HOXD1: variants seen among roughly 807,000 people sequenced by gnomAD.
HOXD1 encodes the protein homeobox D1, also known as homeobox protein Hox-D1.
In HOXD1, 17 loss-of-function variants were observed where a neutral mutation model predicts 19.9. The observed-to-expected ratio is 0.85, with a 90% CI of 0.58 to 1.28. The LOEUF is 1.28. Ranked by LOEUF, HOXD1 falls within the 50% of genes most tolerant of loss-of-function variation. The probability of loss-of-function intolerance (pLI) is 0.00; values close to 1 mark genes in which losing one functional copy is unlikely to be tolerated. For synonymous variants in HOXD1, 239 were observed against 216.0 expected, an observed-to-expected ratio of 1.11 and a Z score of -0.93; for missense variants, 500 against 460.1, an observed-to-expected ratio of 1.09 and a Z score of -0.79.
rs373389370 is a variant in HOXD1 at position 176,189,798 on chromosome 2, T to G, written c.653-10T>G. Reference sequence around the variant, plus strand: ...TCAGGCCTGGCTGACGCCCTGTCTTTACGTTGCAGGCAAACTCGCCGAGTA... The same window carrying G: ...TCAGGCCTGGCTGACGCCCTGTCTTGACGTTGCAGGCAAACTCGCCGAGTA... On this transcript the variant is annotated splice_polypyrimidine_tract_variant and intron_variant, in intron 1 of 1. Coordinates refer to ENST00000331462, the MANE Select transcript of HOXD1 (RefSeq NM_024501.3). The G allele has an allele frequency of 1.3e-5, 21 of 1,612,890 alleles. No homozygotes were observed. The Middle Eastern group carries it at 4.9e-4, about 38-fold the overall frequency.
intron 1 of HOXD1, 145 bp downstream of exon 1, chr2:176,189,598 GGAGTCTGCCTC>G: frequency 6.4e-7 from 1 of 1,567,572 alleles, no homozygotes; most frequent in Non-Finnish European, 8.6e-7. Flanking sequence ...CGAATTCCAT[GGAGTCTGCCTC>G]GAGTACAGAT....
rs1170598501 is a variant in HOXD1, at chr2:176,189,212, G to T, written c.411G>T (p.Ser137=). 6.3e-7 allele frequency: 1 copy of T among 1,584,932 alleles called. No homozygotes were observed. Among genetic ancestry groups the T allele is most frequent in the Non-Finnish European group, 8.6e-7 (1 of 1,167,740 alleles). ...DGGSHVHYAT[S]AVFSGGGSFL... ...GGTCTCACGTCCACTACGCCACCTC[G>T]GCCGTCTTCTCGGGCGGCGGCTCTT... The change falls in exon 1 of 2, where the codon TCG becomes TCT. Residue 137 remains serine, a synonymous_variant. Transcript: ENST00000331462.
In HOXD1 at chr2:176,189,171, G is replaced by T; in HGVS notation, c.370G>T (p.Ala124Ser). Reference protein sequence around the residue: ...AYDFPGVLGRAADDGGSHVHY... With the variant: ...AYDFPGVLGRSADDGGSHVHY... ...CGACTTCCCGGGCGTGCTGGGGCGG[G>T]CGGCCGACGACGGCGGGTCTCACGT... The change falls in exon 1 of 2, where the codon GCG (alanine) becomes TCG (serine). Residue 124 changes from alanine (A) to serine (S), a missense_variant. Ala to Ser is a moderately conservative substitution (Grantham distance 99). Coordinates refer to ENST00000331462, the MANE Select transcript of HOXD1 (RefSeq NM_024501.3). 6.4e-7 allele frequency: 1 copy of T among 1,558,630 alleles called. No homozygotes were observed. Among genetic ancestry groups the T allele is most frequent in the South Asian group, 1.2e-5 (1 of 81,952 alleles).
rs748753500 is a variant in HOXD1 at position 176,189,463 on chromosome 2, C to T, written c.652+10C>T. On this transcript the variant is annotated intron_variant, in intron 1 of 1. Coordinates refer to ENST00000331462, the MANE Select transcript of HOXD1 (RefSeq NM_024501.3). The stretch of plus-strand genomic sequence containing the variant: ...AATGCCTCTAAGAAAGGTAAGTCCG[C>T]GGGCCTTGGATGGGGCCACCTGGGG... 6.2e-7 allele frequency: 1 copy of T among 1,611,464 alleles called. No individual in the cohort carries two copies. Among genetic ancestry groups the T allele is most frequent in the Non-Finnish European group, 8.5e-7 (1 of 1,178,968 alleles).
chr2:176,190,038 AC>A lies in HOXD1; in HGVS notation c.884del (p.Thr295ArgfsTer183), dbSNP rs1342857230. 3.7e-6 allele frequency: 6 copies of A among 1,614,068 alleles called. No homozygotes were observed. In the South Asian group the frequency reaches 6.6e-5, roughly 18 times the overall value. Reference protein sequence around the residue: ...KKREREGLLATAIPVAPLQLP... With the variant: ...KKREREGLLAXAIPVAPLQLP... ...AAGGGAACGAGAAGGGCTTCTGGCC[AC>A]GGCCATTCCTGTGGCTCCCCTCCAA... is the stretch of plus-strand genomic sequence containing the variant. On this transcript the variant is annotated frameshift_variant, in exon 2 of 2. Transcript: ENST00000331462. LOFTEE classifies it high-confidence loss of function.
chr2:176,189,193 A>G lies in HOXD1; in HGVS notation c.392A>G (p.His131Arg), dbSNP rs745684407. Residue 131 changes from histidine to arginine, a missense_variant, in exon 1 of 2, where the codon CAC (histidine) becomes CGC (arginine). Coordinates refer to ENST00000331462, the MANE Select transcript of HOXD1 (RefSeq NM_024501.3). ...CGGGCGGCCGACGACGGCGGGTCTC[A>G]CGTCCACTACGCCACCTCGGCCGTC... ...LGRAADDGGS[H>R]VHYATSAVFS... The G allele has an allele frequency of 1.9e-6, 3 of 1,576,302 alleles. No individual in the cohort carries two copies. Among genetic ancestry groups the G allele is most frequent in the Non-Finnish European group, 2.6e-6 (3 of 1,165,036 alleles).
rs761027678 is a variant in HOXD1 at position 176,189,393 on chromosome 2, C to T, written c.592C>T (p.Leu198Phe). ...CAAGTCCGTCTCTCCCGCCTCCGGC[C>T]TCCCTGCCGCCTTCAGCACGTTCGA... ...YPKSVSPASG[L>F]PAAFSTFEWM... The change falls in exon 1 of 2, where the codon CTC becomes TTC. Residue 198 changes from leucine to phenylalanine, a missense_variant. Coordinates refer to ENST00000331462, the MANE Select transcript of HOXD1 (RefSeq NM_024501.3). 2 of 1,613,230 alleles carry T rather than the reference C, an allele frequency of 1.2e-6. No individual in the cohort carries two copies. The highest frequency in any genetic ancestry group is 2.2e-5 in the South Asian group (2 of 91,054).
Position 176,190,547 on chromosome 2 carries a change from C to A in HOXD1, c.*405C>A. 5.8e-6 allele frequency: 1 copy of A among 173,116 alleles called. No individual in the cohort carries two copies. Among genetic ancestry groups the A allele is most frequent in the Non-Finnish European group, 1.2e-5 (1 of 82,172 alleles). The allele number at this position is 173,116 out of a possible 1,614,324, so 10.7% of individuals were successfully genotyped here. ...TCTGGTTTTAATTTAAAGGACAAGG[C>A]TACATATATTCAGCTTTTTGAGATG... On this transcript the variant is annotated 3_prime_UTR_variant, in exon 2 of 2. Transcript: ENST00000331462.
chr2:176,189,071 C>A lies in HOXD1; in HGVS notation c.270C>A (p.Ala90=). The A allele has an allele frequency of 6.7e-7, 1 of 1,485,490 alleles. No homozygotes were observed. Among genetic ancestry groups the A allele is most frequent in the Non-Finnish European group, 8.9e-7 (1 of 1,127,064 alleles). The allele number at this position is 1,485,490 out of a possible 1,614,324, so 92.0% of individuals were successfully genotyped here. Residue 90 remains alanine, a synonymous_variant, in exon 1 of 2, where the codon GCC becomes GCA. Transcript: ENST00000331462. ...ACGCGCAGTGCACCCTGGAGGGGGC[C>A]TACGAACCTGGTGCCGCACCTGCCG... is the stretch of plus-strand genomic sequence containing the variant. ...PQYAQCTLEG[A]YEPGAAPAAA...
rs1185802610 is a variant in HOXD1, at chr2:176,189,998, G to A, written c.843G>A (p.Arg281=). ...TCAAAATCTGGTTCCAGAACCGCAGGATGAAACAGAAGAAAAGGGAACGAG... is the reference window on the plus strand; with the variant it reads ...TCAAAATCTGGTTCCAGAACCGCAGAATGAAACAGAAGAAAAGGGAACGAG... ...TQVKIWFQNR[R]MKQKKREREG... The change falls in exon 2 of 2, where the codon AGG becomes AGA. Residue 281 remains arginine (R), a synonymous_variant. Transcript: ENST00000331462. The A allele has an allele frequency of 6.2e-7, 1 of 1,614,114 alleles. No homozygotes were observed. Among genetic ancestry groups the A allele is most frequent in the Non-Finnish European group, 8.5e-7 (1 of 1,180,014 alleles).
Position 176,190,005 on chromosome 2 carries a change from CAG to C in HOXD1, c.852_853del (p.Lys285GlufsTer28). The C allele has an allele frequency of 2.5e-6, 4 of 1,614,136 alleles. No individual in the cohort carries two copies. Among genetic ancestry groups the C allele is most frequent in the Non-Finnish European group, 3.4e-6 (4 of 1,180,002 alleles). On this transcript the variant is annotated frameshift_variant, in exon 2 of 2. Transcript: ENST00000331462. LOFTEE classifies it high-confidence loss of function. The part of the protein sequence containing the change: ...KIWFQNRRMK[Q>X]KKREREGLLA... ...CTGGTTCCAGAACCGCAGGATGAAACAGAAGAAAAGGGAACGAGAAGGGCTTC... is the reference window on the plus strand; with the variant it reads ...CTGGTTCCAGAACCGCAGGATGAAACAAGAAAAGGGAACGAGAAGGGCTTC...
intron 1 of HOXD1, 85 bp downstream of exon 1, chr2:176,189,538 T>C: frequency 1.9e-6 from 3 of 1,607,000 alleles, no homozygotes; most frequent in Non-Finnish European, 2.5e-6. Flanking sequence ...GTGGTGTCGC[T>C]GCCTTTCCAG....
rs767777685 is a variant in HOXD1, at chr2:176,188,810, CT to C, written c.10del (p.Tyr4ThrfsTer205). The C allele has an allele frequency of 2.5e-5, 41 of 1,608,756 alleles. No individual in the cohort carries two copies. The East Asian group carries it at 9.0e-4, about 35-fold the overall frequency. ...AAGGTGGGGCCCGAACCATGAGCTC[CT>C]ACCTGGAGTACGTGTCATGCAGCAG... MSSYLEYVSCSSSG... is the reference protein window; with the variant it reads MSSXLEYVSCSSSG... On this transcript the variant is annotated frameshift_variant, in exon 1 of 2. Coordinates refer to ENST00000331462, the MANE Select transcript of HOXD1 (RefSeq NM_024501.3). LOFTEE classifies it high-confidence loss of function.
rs1457574773 is a variant in HOXD1, at chr2:176,189,324, C to T, written c.523C>T (p.Pro175Ser). 5.0e-6 allele frequency: 8 copies of T among 1,612,366 alleles called. No individual in the cohort carries two copies. The highest frequency in any genetic ancestry group is 6.8e-6 in the Non-Finnish European group (8 of 1,179,844). ...ACLKASADGH[P>S]GAFQTASPAP... Reference sequence around the variant, plus strand: ...TCTCAAAGCGTCAGCCGACGGCCACCCTGGTGCTTTCCAGACCGCATCCCC... The same window carrying T: ...TCTCAAAGCGTCAGCCGACGGCCACTCTGGTGCTTTCCAGACCGCATCCCC... The change falls in exon 1 of 2, where the codon CCT becomes TCT. Residue 175 changes from proline to serine, a missense_variant. Transcript: ENST00000331462.
At position 176,189,000 on chromosome 2, in the gene HOXD1, G is replaced by A; in HGVS notation, c.199G>A (p.Ala67Thr). ...AAARPSPSPP[A>T]APARPSVPPP... ...CGCCCGACCCTCGCCTTCGCCCCCG[G>A]CCGCCCCCGCGCGGCCGTCCGTACC... The change falls in exon 1 of 2, where the codon GCC becomes ACC. Residue 67 changes from alanine to threonine, a missense_variant. Ala to Thr is a moderately conservative substitution (Grantham distance 58). Coordinates refer to ENST00000331462, the MANE Select transcript of HOXD1 (RefSeq NM_024501.3). 7.0e-7 allele frequency: 1 copy of A among 1,426,322 alleles called. No homozygotes were observed. The highest frequency in any genetic ancestry group is 9.1e-7 in the Non-Finnish European group (1 of 1,103,448). 88.4% of individuals were successfully genotyped at this position (1,426,322 alleles called of 1,614,324 possible).
In HOXD1 at chr2:176,188,875, C is replaced by T. The variant is rs772732530; in HGVS notation, c.74C>T (p.Pro25Leu). 3.7e-6 allele frequency: 6 copies of T among 1,600,038 alleles called. No individual in the cohort carries two copies. The highest frequency in any genetic ancestry group is 4.3e-6 in the Non-Finnish European group (5 of 1,176,282). ...GVGGDVLSLA[P>L]KFCRSDARPV... ...GGCGGCGACGTGCTCAGCTTGGCAC[C>T]CAAGTTCTGCCGCTCCGACGCCCGG... is the stretch of plus-strand genomic sequence containing the variant. The change falls in exon 1 of 2, where the codon CCC (proline) becomes CTC (leucine). Residue 25 changes from proline to leucine, a missense_variant. Transcript: ENST00000331462.
rs755196152 is a variant in HOXD1, at chr2:176,188,668, G to A, written c.-134G>A. ...GCCACTATTTACCTCCGGCTCACTC[G>A]CCATGGGTTGGAGAGGGCAGCTCGG... On this transcript the variant is annotated 5_prime_UTR_variant, in exon 1 of 2. Transcript: ENST00000331462. 10 of 930,920 alleles carry A rather than the reference G, an allele frequency of 1.1e-5. No homozygotes were observed. The highest frequency in any genetic ancestry group is 1.5e-5 in the Non-Finnish European group (9 of 601,412). The allele number at this position is 930,920 out of a possible 1,614,324, so 57.7% of individuals were successfully genotyped here. A position where few individuals can be genotyped will look rare whatever the true frequency, so the allele number is the denominator to read the frequency against.
Position 176,189,468 on chromosome 2 carries a change from CTTG to C in HOXD1, c.652+16_652+18del. 6.2e-7 allele frequency: 1 copy of C among 1,611,786 alleles called. No individual in the cohort carries two copies. Among genetic ancestry groups the C allele is most frequent in the Non-Finnish European group, 8.5e-7 (1 of 1,179,136 alleles). On this transcript the variant is annotated intron_variant, in intron 1 of 1. Coordinates refer to ENST00000331462, the MANE Select transcript of HOXD1 (RefSeq NM_024501.3). ...CTCTAAGAAAGGTAAGTCCGCGGGC[CTTG>C]GATGGGGCCACCTGGGGTTGGGGAC...
rs1575005501 is a variant in HOXD1 at position 176,190,789 on chromosome 2, T to C, written c.*647T>C. 1 of 152,660 alleles carries C rather than the reference T, an allele frequency of 6.6e-6. No homozygotes were observed. The highest frequency in any genetic ancestry group is 1.5e-5 in the Non-Finnish European group (1 of 68,048). The allele number at this position is 152,660 out of a possible 1,614,324, so 9.5% of individuals were successfully genotyped here. On this transcript the variant is annotated 3_prime_UTR_variant, in exon 2 of 2. Coordinates refer to ENST00000331462, the MANE Select transcript of HOXD1 (RefSeq NM_024501.3). ...TTGACAAATATTATTCAAACTTGAATGTAAATATATACAGTATGTATATTT... is the reference window on the plus strand; with the variant it reads ...TTGACAAATATTATTCAAACTTGAACGTAAATATATACAGTATGTATATTT...
Sources: allele counts gnomAD v4.1 joint callset, GRCh38; gene constraint gnomAD v4.1.1; transcripts MANE v1.5; gene names NCBI Gene and HGNC (gene_info 2026-07-23, HGNC 2026-07-21).